Variants in CNST observed in about 807,000 individuals in gnomAD.
CNST encodes the protein consortin.
A neutral mutation model predicts 72.4 loss-of-function variants in CNST; 39 were observed. That is an observed-to-expected ratio of 0.54 (90% confidence interval 0.42 to 0.70). CNST has a LOEUF of 0.70. CNST is among the 30% of genes least tolerant of loss of function. The probability of loss-of-function intolerance (pLI) is 0.00; values close to 1 mark genes in which losing one functional copy is unlikely to be tolerated. For synonymous variants in CNST, 332 were observed against 320.1 expected, an observed-to-expected ratio of 1.04 and a Z score of -0.40; for missense variants, 871 against 868.5, an observed-to-expected ratio of 1.00 and a Z score of -0.04.
intron 1 of CNST, chr1:246,570,046 G>T (rs1341339320): frequency 2.8e-6 from 1 of 357,622 alleles, no homozygotes; most frequent in East Asian, 1.6e-4. Flanking sequence ...TTCTTACCAA[G>T]GGAAAGATCA....
chr1:246,571,658 C>T (rs565826407), intron 1 of CNST, among the ~76,000 whole-genome samples: 350 of 152,194 alleles, frequency 2.3e-3, no homozygotes, highest in Non-Finnish European at 4.1e-3. Flanking sequence ...AATTCTGAAA[C>T]AGTAAATGGT....
At chr1:246,664,478 G>C (rs1322617858) in intron 10 of CNST, among the ~76,000 whole-genome samples, 1 of 151,720 alleles carries the variant, frequency 6.6e-6, no homozygotes, top group Non-Finnish European at 1.5e-5. Context: ...CCAGGCTGGA[G>C]TGCAGTGGTG....
chr1:246,573,982 G>C (rs1257267923), intron 1 of CNST, among the ~76,000 whole-genome samples: 2 of 152,142 alleles, frequency 1.3e-5, no homozygotes, highest in East Asian at 3.9e-4. Flanking sequence ...AGTGGTGGGG[G>C]GTAGAAGTAC....
In CNST at chr1:246,621,462, A is replaced by G. The variant is rs765158361; in HGVS notation, c.413A>G (p.Gln138Arg). Reference sequence around the variant, plus strand: ...TCAGGAGATATTGCACCTTTAATGCAAGAAAAAGTACTAAGCGCAGTCACA... The same window carrying G: ...TCAGGAGATATTGCACCTTTAATGCGAGAAAAAGTACTAAGCGCAGTCACA... ...LFSGDIAPLMQEKVLSAVTYA... is the reference protein window; with the variant it reads ...LFSGDIAPLMREKVLSAVTYA... Residue 138 changes from glutamine (Q) to arginine (R), a missense_variant, in exon 3 of 11, where the codon CAA becomes CGA. Coordinates refer to ENST00000366513, the MANE Select transcript of CNST (RefSeq NM_152609.3). The G allele has an allele frequency of 8.7e-6, 14 of 1,614,124 alleles. No homozygotes were observed. The highest frequency in any genetic ancestry group is 1.1e-5 in the Non-Finnish European group (13 of 1,180,006).
rs746792920 is a variant in CNST at position 246,647,231 on chromosome 1, G to T, written c.1030G>T (p.Val344Leu). ...GSSPCCHQMD[V>L]QTDSPSLSVT... ...CAGTCCCTGCTGTCATCAGATGGAC[G>T]TGCAAACAGATTCCCCAAGCCTTTC... The change falls in exon 9 of 11, where the codon GTG becomes TTG. Residue 344 changes from valine (V) to leucine (L), a missense_variant. Transcript: ENST00000366513. 19 of 1,614,034 alleles carry T rather than the reference G, an allele frequency of 1.2e-5. No homozygotes were observed. Among genetic ancestry groups the T allele is most frequent in the Non-Finnish European group, 1.5e-5 (18 of 1,180,040 alleles).
intron 9 of CNST, among the ~76,000 whole-genome samples, chr1:246,659,401 T>A (rs563312200): frequency 1.3e-5 from 2 of 152,152 alleles, no homozygotes; most frequent in African/African-American, 4.8e-5. Flanking sequence ...GAGACCATCC[T>A]GGCTAACTCG....
intron 1 of CNST, among the ~76,000 whole-genome samples, chr1:246,568,856 A>G (rs1356064661): frequency 1.3e-5 from 2 of 152,224 alleles, no homozygotes; most frequent in African/African-American, 4.8e-5. Flanking sequence ...GGCGTGAGCC[A>G]CCACGCCTTT....
In CNST at chr1:246,605,247, T is replaced by C. The variant is rs1422441601; in HGVS notation, c.379+13306T>C. 2.0e-5 allele frequency among the ~76,000 whole-genome samples: 3 copies of C among 152,214 alleles called. No individual in the cohort carries two copies. The East Asian group carries it at 5.8e-4, about 29-fold the overall frequency. ...AATCGGATTTGAAAAATCCAAAATA[T>C]GGTGCTTGAGTTGTTTGTGGACCTG... is the stretch of plus-strand genomic sequence containing the variant. On this transcript the variant is annotated intron_variant, in intron 2 of 10. Coordinates refer to ENST00000366513, the MANE Select transcript of CNST (RefSeq NM_152609.3).
At position 246,662,474 on chromosome 1, in the gene CNST, C is replaced by T. The variant is rs540752885; in HGVS notation, c.1972+2140C>T. ...TGCGATCTTGGCTCGCTGCAACCTC[C>T]GCCTCCCGAGTTCAAGCGATTCTTC... On this transcript the variant is annotated intron_variant, in intron 10 of 10. Transcript: ENST00000366513. Among the ~76,000 whole-genome samples the T allele has an allele frequency of 1.9e-4, 29 of 152,314 alleles. No homozygotes were observed. The South Asian group carries it at 5.4e-3, about 28-fold the overall frequency.
chr1:246,574,459 A>T (rs1024710355), intron 1 of CNST, among the ~76,000 whole-genome samples: 1 of 152,174 alleles, frequency 6.6e-6, no homozygotes, highest in South Asian at 2.1e-4. Context: ...AGCTTGTCGC[A>T]CTATCACCCA....
rs772478891 is a variant in CNST at position 246,647,760 on chromosome 1, G to A, written c.1559G>A (p.Gly520Asp). The A allele has an allele frequency of 1.4e-5, 22 of 1,614,166 alleles. No individual in the cohort carries two copies. In the Admixed American group the frequency reaches 3.3e-4, roughly 24 times the overall value. ...GGAAATAATCAAATATCTGACTTAGGCATACTGCTTCCAGAGGTGTGTATG... is the reference window on the plus strand; with the variant it reads ...GGAAATAATCAAATATCTGACTTAGACATACTGCTTCCAGAGGTGTGTATG... ...LCGNNQISDL[G>D]ILLPEVCMAP... Residue 520 changes from glycine to aspartate, a missense_variant, in exon 9 of 11, where the codon GGC becomes GAC. By Grantham distance (94) the Gly-to-Asp change is moderately conservative. Transcript: ENST00000366513.
intron 10 of CNST, among the ~76,000 whole-genome samples, chr1:246,664,333 C>T (rs899366541): frequency 6.6e-6 from 1 of 152,178 alleles, no homozygotes; most frequent in Admixed American, 6.5e-5. Context: ...GGTGGATTTG[C>T]TGGGATATGT....
chr1:246,601,709 A>C (rs181793222), intron 2 of CNST, among the ~76,000 whole-genome samples: 1 of 152,174 alleles, frequency 6.6e-6, no homozygotes, highest in Non-Finnish European at 1.5e-5. Flanking sequence ...CGGGAGAAAC[A>C]CTTCAACCTG....
chr1:246,599,208 G>A (rs1186520517), intron 2 of CNST, among the ~76,000 whole-genome samples: 2 of 149,686 alleles, frequency 1.3e-5, no homozygotes, highest in Non-Finnish European at 3.0e-5. Context: ...TATTAAAAGT[G>A]TGTTAGTTTT....
intron 2 of CNST, among the ~76,000 whole-genome samples, chr1:246,604,810 A>G (rs1662591823): frequency 6.6e-6 from 1 of 151,684 alleles, no homozygotes; most frequent in South Asian, 2.1e-4. Context: ...CTGGGATTAC[A>G]GGCATGCACC....
chr1:246,664,643 G>T (rs373545921), intron 10 of CNST, among the ~76,000 whole-genome samples: 3 of 151,658 alleles, frequency 2.0e-5, no homozygotes, highest in African/African-American at 7.2e-5. Context: ...AGCCAGGATG[G>T]TCTCGATCTC....
intron 2 of CNST, among the ~76,000 whole-genome samples, chr1:246,593,114 T>A (rs1424094937): frequency 6.6e-6 from 1 of 152,214 alleles, no homozygotes; most frequent in East Asian, 1.9e-4. Context: ...TCGTATTTTT[T>A]ATTTGTATTT....
chr1:246,626,563 TCTC>T (rs1391237246), intron 3 of CNST, among the ~76,000 whole-genome samples: 1 of 148,494 alleles, frequency 6.7e-6, no homozygotes, highest in African/African-American at 2.5e-5. Context: ...GTTCAGGTGA[TCTC>T]CTGTCTCAGC....
At chr1:246,581,481 C>T (rs561530618) in intron 1 of CNST, among the ~76,000 whole-genome samples, 3 of 152,000 alleles carry the variant, frequency 2.0e-5, no homozygotes, top group South Asian at 4.2e-4. Context: ...CAGGCTGGTC[C>T]CGAACTCCTG....
Sources: allele counts gnomAD v4.1 joint callset (sites outside exome capture counted in the v4.1 genomes callset), GRCh38; gene constraint gnomAD v4.1.1; transcripts MANE v1.5; gene names NCBI Gene and HGNC (gene_info 2026-07-23, HGNC 2026-07-21).